PCDHGA3: variants seen among roughly 807,000 people sequenced by gnomAD.
PCDHGA3 encodes the protein protocadherin gamma-A3.
A neutral mutation model predicts 58.5 loss-of-function variants in PCDHGA3; 40 were observed. The ratio of observed to expected loss-of-function variants is 0.68; its 90% CI spans 0.53 to 0.89. PCDHGA3 has a LOEUF of 0.89. Among genes scored for constraint, PCDHGA3 ranks in the 40% least tolerant of loss-of-function variants. The pLI, the probability that PCDHGA3 is intolerant of heterozygous loss-of-function variation, is 0.00. For missense variants in PCDHGA3, 1,223 were observed against 1,195.9 expected (o/e 1.02, Z -0.33); for synonymous variants, 530 against 525.7 (o/e 1.01, Z -0.11).
At chr5:141,387,649 G>T (rs1020449158) in intron 1 of PCDHGA3, 13 of 640,184 alleles carry the variant, frequency 2.0e-5, no homozygotes, top group Non-Finnish European at 3.1e-5. Context: ...TGGCCAAAGT[G>T]GAGAGCTTGG....
intron 1 of PCDHGA3, among the ~76,000 whole-genome samples, chr5:141,480,796 C>G (rs1007525949): frequency 2.6e-5 from 4 of 152,074 alleles, no homozygotes; most frequent in African/African-American, 7.2e-5. Flanking sequence ...ATTTGAAAAC[C>G]ACAGCTTTGG....
At chr5:141,366,214 A>G (rs749592795) in intron 1 of PCDHGA3, 7 of 1,613,810 alleles carry the variant, frequency 4.3e-6, no homozygotes, top group South Asian at 1.1e-5. Flanking sequence ...AGGTGCGCAC[A>G]GCGCGAGCCC....
chr5:141,430,826 CTG>C (rs2097313923), intron 1 of PCDHGA3: 1 of 1,550,416 alleles, frequency 6.4e-7, no homozygotes, highest in Non-Finnish European at 8.7e-7. Context: ...CCTGGGGACT[CTG>C]TGGGAGACCG....
intron 1 of PCDHGA3, among the ~76,000 whole-genome samples, chr5:141,473,785 A>G (rs1240342191): frequency 6.6e-6 from 1 of 152,226 alleles, no homozygotes; most frequent in Non-Finnish European, 1.5e-5. Context: ...TTAATTCAAG[A>G]GCAGTATGAT....
chr5:141,364,186 T>A, intron 1 of PCDHGA3: 18 of 1,005,938 alleles, frequency 1.8e-5, no homozygotes, highest in Non-Finnish European at 2.5e-5. Flanking sequence ...CCCTCCATAC[T>A]AAACACACAG....
chr5:141,398,900 G>C (rs765284630), intron 1 of PCDHGA3: 1 of 1,613,964 alleles, frequency 6.2e-7, no homozygotes, highest in South Asian at 1.1e-5. Context: ...GTGCCACCAG[G>C]CACCACTGTG....
intron 1 of PCDHGA3, chr5:141,409,541 G>T: frequency 6.2e-7 from 1 of 1,613,970 alleles, no homozygotes; most frequent in Non-Finnish European, 8.5e-7. Context: ...TGACATCAAC[G>T]ACAACGCCCC....
intron 1 of PCDHGA3, chr5:141,475,934 GC>G (rs879308605): frequency 6.0e-6 from 4 of 665,236 alleles, no homozygotes; most frequent in Non-Finnish European, 1.0e-5. Context: ...TCGGGCCCCT[GC>G]CCGTCCCCTT....
chr5:141,393,214 A>G, intron 1 of PCDHGA3: 1 of 1,613,636 alleles, frequency 6.2e-7, no homozygotes, highest in East Asian at 2.2e-5. Flanking sequence ...CCAAAATTCC[A>G]GGTCGAAGAT....
intron 1 of PCDHGA3, chr5:141,418,673 G>A (rs2096279740): frequency 5.0e-6 from 8 of 1,614,026 alleles, no homozygotes; most frequent in Non-Finnish European, 6.8e-6. Context: ...CCAGGACGAG[G>A]GCATCAACTC....
chr5:141,422,382 T>C (rs1390444026), intron 1 of PCDHGA3: 5 of 1,585,154 alleles, frequency 3.2e-6, no homozygotes, highest in Admixed American at 1.8e-5. Context: ...AAGTCTCCTG[T>C]TTTATTCCTA....
At chr5:141,473,131 A>G (rs1262205483) in intron 1 of PCDHGA3, among the ~76,000 whole-genome samples, 2 of 152,214 alleles carry the variant, frequency 1.3e-5, no homozygotes, top group Admixed American at 6.5e-5. Context: ...TTGGCAAACT[A>G]TATTATCTCT....
At chr5:141,496,249 A>G (rs1385823714) in intron 2 of PCDHGA3, among the ~76,000 whole-genome samples, 1 of 152,078 alleles carries the variant, frequency 6.6e-6, no homozygotes, top group East Asian at 1.9e-4. Context: ...GCTGAAGGGG[A>G]GGGAAACTTC....
chr5:141,459,289 A>G (rs2098965378), intron 1 of PCDHGA3, among the ~76,000 whole-genome samples: 1 of 152,216 alleles, frequency 6.6e-6, no homozygotes, highest in Non-Finnish European at 1.5e-5. Flanking sequence ...ATCTAAATGG[A>G]ATCCTATAAC....
At chr5:141,394,717 G>A (rs1403492553) in intron 1 of PCDHGA3, 1 of 1,613,320 alleles carries the variant, frequency 6.2e-7, no homozygotes, top group East Asian at 2.2e-5. Flanking sequence ...CTGCTGGACA[G>A]AGATGCGCTC....
At chr5:141,364,161 C>T in intron 1 of PCDHGA3, 2 of 652,296 alleles carry the variant, frequency 3.1e-6, no homozygotes, top group Non-Finnish European at 4.6e-6. Flanking sequence ...GCCGCAGAGG[C>T]GACCCGACTC....
intron 1 of PCDHGA3, among the ~76,000 whole-genome samples, chr5:141,469,808 A>C (rs1253675252): frequency 2.0e-5 from 3 of 152,174 alleles, no homozygotes; most frequent in Admixed American, 6.5e-5. Flanking sequence ...AAAACATTGT[A>C]GATAGAATGG....
Position 141,344,226 on chromosome 5 carries a change from C to G in PCDHGA3, c.193C>G (p.Arg65Gly). 6.2e-7 allele frequency: 1 copy of G among 1,614,026 alleles called. No individual in the cohort carries two copies. Among genetic ancestry groups the G allele is most frequent in the Non-Finnish European group, 8.5e-7 (1 of 1,179,902 alleles). Residue 65 changes from arginine to glycine, a missense_variant, in exon 1 of 4, where the codon CGC becomes GGC. This residue lies in a region of PCDHGA3 where 791 missense variants were observed against 708.5 expected (regional missense o/e 1.12). Coordinates refer to ENST00000253812, the MANE Select transcript of PCDHGA3 (RefSeq NM_018916.4). ...CCGGGAGCTGGCGGAGCGCGGAGTC[C>G]GCATCGTCTCCAGAGGTAGGACGCA... ...EPRELAERGV[R>G]IVSRGRTQLF...
At chr5:141,388,735 C>T (rs758511912) in intron 1 of PCDHGA3, 9 of 1,613,974 alleles carry the variant, frequency 5.6e-6, no homozygotes, top group Non-Finnish European at 7.6e-6. Context: ...TTCAGTGAAG[C>T]TAGCCAGATC....
Sources: gnomAD v4.1 joint callset for allele counts (sites outside exome capture counted in the v4.1 genomes callset) on GRCh38, gnomAD v4.1.1 for gene constraint, gnomAD v4.1.1 regional missense constraint, MANE v1.5 for transcripts, NCBI Gene and HGNC (gene_info 2026-07-23, HGNC 2026-07-21) for gene names.